The following MEPCE variants were observed in gnomAD, a reference collection of about 807,000 sequenced individuals.
MEPCE encodes the protein methylphosphate capping enzyme, also known as 7SK snRNA methylphosphate capping enzyme.
In MEPCE, 9 loss-of-function variants were observed where a neutral mutation model predicts 52.3. The observed-to-expected ratio is 0.17, with a 90% CI of 0.10 to 0.30. The LOEUF is 0.30. MEPCE is among the 10% of genes least tolerant of loss of function. The probability of loss-of-function intolerance (pLI) is 1.00; values close to 1 mark genes in which losing one functional copy is unlikely to be tolerated. For missense variants in MEPCE, 826 were observed against 933.0 expected (o/e 0.89, Z 1.49); for synonymous variants, 477 against 401.6 (o/e 1.19, Z -2.25).
Position 100,431,514 on chromosome 7 carries a change from C to G in MEPCE, c.1496C>G (p.Pro499Arg). Residue 499 changes from proline to arginine, a missense_variant, in exon 1 of 4, where the codon CCC (proline) becomes CGC (arginine). Pro to Arg is a moderately radical substitution (Grantham distance 103). Transcript: ENST00000310512. ...CTTTCCGAGGAGCTGCGTCTCCCAC[C>G]CCAGACTTTGGAAGGGGACCCGGGG... ...HYLSEELRLP[P>R]QTLEGDPGAE... The G allele has an allele frequency of 6.2e-7, 1 of 1,613,404 alleles. No individual in the cohort carries two copies. Among genetic ancestry groups the G allele is most frequent in the Non-Finnish European group, 8.5e-7 (1 of 1,180,026 alleles).
chr7:100,432,179 A>G (rs1798737725), intron 1 of MEPCE, among the ~76,000 whole-genome samples: 1 of 152,044 alleles, frequency 6.6e-6, no homozygotes, highest in Admixed American at 6.6e-5. Flanking sequence ...GTTTTCCTAG[A>G]CAGTTTGTTG....
At chr7:100,432,884 CCT>C in intron 1 of MEPCE, 33 bp from the exon 2 acceptor site, 2 of 1,597,520 alleles carry the variant, frequency 1.3e-6, no homozygotes. Flanking sequence ...TCTTTGATTC[CCT>C]CAGTTGACCT....
intron 1 of MEPCE, 53 bp from the exon 2 acceptor site, chr7:100,432,866 G>GC (rs1696023198): frequency 2.3e-5 from 35 of 1,547,740 alleles, no homozygotes; most frequent in Non-Finnish European, 2.9e-5. Context: ...TTGCCTGGGA[G>GC]CAGGGGTTCT....
rs1226194704 is a variant in MEPCE at position 100,430,274 on chromosome 7, C to G, written c.256C>G (p.Arg86Gly). ...CAGTGGTCCCCAGGCGCAGCAGCACCGAGGGGGCGGCCCCCAGGCGCAGTC... is the reference window on the plus strand; with the variant it reads ...CAGTGGTCCCCAGGCGCAGCAGCACGGAGGGGGCGGCCCCCAGGCGCAGTC... Reference protein sequence around the residue: ...SSSGPQAQQHRGGGPQAQSHG... With the variant: ...SSSGPQAQQHGGGGPQAQSHG... Residue 86 changes from arginine (R) to glycine (G), a missense_variant, in exon 1 of 4, where the codon CGA becomes GGA. Arg to Gly is a moderately radical substitution (Grantham distance 125). Transcript: ENST00000310512. 5.7e-6 allele frequency: 8 copies of G among 1,400,966 alleles called. No homozygotes were observed. In the South Asian group the frequency reaches 1.1e-4, roughly 20 times the overall value. 86.8% of individuals were successfully genotyped at this position (1,400,966 alleles called of 1,614,324 possible).
rs1217663839 is a variant in MEPCE at position 100,430,754 on chromosome 7, G to C, written c.736G>C (p.Asp246His). Residue 246 changes from aspartate (D) to histidine (H), a missense_variant, in exon 1 of 4, where the codon GAT (aspartate) becomes CAT (histidine). By Grantham distance (81) the Asp-to-His change is moderately conservative. Coordinates refer to ENST00000310512, the MANE Select transcript of MEPCE (RefSeq NM_019606.6). ...TDPLSLNTCT[D>H]EGHVVLASPL... ...CCCGCTCAGTCTCAATACTTGCACT[G>C]ATGAGGGCCATGTAGTTCTTGCTTC... 1 of 1,613,924 alleles carries C rather than the reference G, an allele frequency of 6.2e-7. No individual in the cohort carries two copies. The highest frequency in any genetic ancestry group is 1.1e-5 in the South Asian group (1 of 91,084).
chr7:100,431,965 C>T (rs895344101), intron 1 of MEPCE, among the ~76,000 whole-genome samples: 1 of 152,200 alleles, frequency 6.6e-6, no homozygotes, highest in African/African-American at 2.4e-5. Flanking sequence ...CTATAATCCA[C>T]ACTGGTCCAC....
rs1385616110 is a variant in MEPCE, at chr7:100,430,542, C to T, written c.524C>T (p.Ser175Leu). Residue 175 changes from serine to leucine, a missense_variant, in exon 1 of 4, where the codon TCG (serine) becomes TTG (leucine). This residue lies in a region of MEPCE where 314 missense variants were observed against 277.7 expected (regional missense o/e 1.13). Coordinates refer to ENST00000310512, the MANE Select transcript of MEPCE (RefSeq NM_019606.6). ...TTCAAGAGGCGCAGGCGGGTGAATT[C>T]GGACTGTGACTCTGTGTTACCCTCC... Reference protein sequence around the residue: ...PAFKRRRRVNSDCDSVLPSNF... With the variant: ...PAFKRRRRVNLDCDSVLPSNF... The T allele has an allele frequency of 1.3e-6, 2 of 1,585,954 alleles. No homozygotes were observed. The highest frequency in any genetic ancestry group is 2.7e-5 in the African/African-American group (2 of 74,714).
At position 100,433,713 on chromosome 7, in the gene MEPCE, T is replaced by G. The variant is rs928509737; in HGVS notation, c.*159T>G. 1 of 732,268 alleles carries G rather than the reference T, an allele frequency of 1.4e-6. No homozygotes were observed. The highest frequency in any genetic ancestry group is 1.8e-5 in the South Asian group (1 of 55,486). 45.4% of individuals were successfully genotyped at this position (732,268 alleles called of 1,614,324 possible). A position where few individuals can be genotyped will look rare whatever the true frequency, so the allele number is the denominator to read the frequency against. ...CTTTTCTTCCGTCGCTGCCTCAGCC[T>G]CCTCCCTATGCCTCTGGCACCTGCG... is the stretch of plus-strand genomic sequence containing the variant. On this transcript the variant is annotated 3_prime_UTR_variant, in exon 4 of 4. Transcript: ENST00000310512.
At chr7:100,432,518 T>G (rs990789017) in intron 1 of MEPCE, among the ~76,000 whole-genome samples, 2 of 152,210 alleles carry the variant, frequency 1.3e-5, no homozygotes, top group African/African-American at 2.4e-5. Context: ...CAGCCCCAAC[T>G]GCAGGGAAGG....
At chr7:100,429,446 CA>C (rs1325521989), upstream of MEPCE, 1 of 152,328 alleles carries the variant, frequency 6.6e-6, no homozygotes, top group Non-Finnish European at 1.5e-5. Context: ...CGCTGAGACT[CA>C]TTCCTCAGGA....
rs769681270 is a variant in MEPCE, at chr7:100,431,030, G to T, written c.1012G>T (p.Gly338Cys). 9 of 1,613,710 alleles carry T rather than the reference G, an allele frequency of 5.6e-6. No homozygotes were observed. The East Asian group carries it at 1.6e-4, about 28-fold the overall frequency. The change falls in exon 1 of 4, where the codon GGT becomes TGT. Residue 338 changes from glycine (G) to cysteine (C), a missense_variant. Around this residue, in one of 7 missense-constraint regions of MEPCE, gnomAD observed 307 missense variants for 292.1 expected, o/e 1.05. Transcript: ENST00000310512. ...VVSPLPSALQ[G>C]PSGSLSAPPA... ...GTCTCCCCTTCCATCTGCTCTGCAG[G>T]GTCCCTCAGGCTCCCTATCAGCCCC...
intron 1 of MEPCE, 101 bp downstream of exon 1, chr7:100,431,790 G>A: frequency 3.4e-6 from 4 of 1,178,612 alleles, no homozygotes; most frequent in Non-Finnish European, 4.6e-6. Flanking sequence ...TCAAAAGAGG[G>A]GTCTGGGTTG....
In MEPCE at chr7:100,431,254, G is replaced by A; in HGVS notation, c.1236G>A (p.Lys412=). ...PAAGFKKQQR[K]FQYGNYCKYY... is the part of the protein sequence containing the mutation. ...CAGGCTTCAAAAAGCAACAGCGCAA[G>A]TTCCAGTATGGGAATTATTGCAAAT... Residue 412 remains lysine (K), a synonymous_variant, in exon 1 of 4, where the codon AAG becomes AAA. Transcript: ENST00000310512. The A allele has an allele frequency of 1.9e-6, 3 of 1,614,110 alleles. No homozygotes were observed. Among genetic ancestry groups the A allele is most frequent in the Non-Finnish European group, 2.5e-6 (3 of 1,180,032 alleles).
Position 100,430,455 on chromosome 7 carries a change from G to T in MEPCE, c.437G>T (p.Gly146Val). The change falls in exon 1 of 4, where the codon GGG (glycine) becomes GTG (valine). Residue 146 changes from glycine to valine, a missense_variant. Around this residue, in one of 7 missense-constraint regions of MEPCE, gnomAD observed 314 missense variants for 277.7 expected, o/e 1.13. Transcript: ENST00000310512. ...CCCCACCGGCCACCTGGGGGGGGCG[G>T]GGGCAAGAGGAGAAATAGCTGTAAT... is the stretch of plus-strand genomic sequence containing the variant. ...YQPHRPPGGG[G>V]GKRRNSCNVG... 1 of 1,557,142 alleles carries T rather than the reference G, an allele frequency of 6.4e-7. No homozygotes were observed. The highest frequency in any genetic ancestry group is 8.7e-7 in the Non-Finnish European group (1 of 1,155,098).
rs184785892 is a variant in MEPCE at position 100,431,650 on chromosome 7, G to A, written c.1632G>A (p.Ala544=). The change falls in exon 1 of 4, where the codon GCG becomes GCA. Residue 544 remains alanine, a synonymous_variant. Transcript: ENST00000310512. ...IAAPQVPLDG[A]DTSVFPNNVV... ...CCCCCCAAGTGCCCTTGGATGGAGCGGACACATCAGTCTTCCCCAACAATG... is the reference window on the plus strand; with the variant it reads ...CCCCCCAAGTGCCCTTGGATGGAGCAGACACATCAGTCTTCCCCAACAATG... 39 of 1,602,982 alleles carry A rather than the reference G, an allele frequency of 2.4e-5. No homozygotes were observed. Among genetic ancestry groups the A allele is most frequent in the Middle Eastern group, 1.7e-4 (1 of 6,058 alleles).
chr7:100,433,194 G>A (rs933619220), intron 2 of MEPCE, 57 bp downstream of exon 2: 20 of 1,613,192 alleles, frequency 1.2e-5, no homozygotes, highest in African/African-American at 2.7e-5. Context: ...AAAAGGCCCC[G>A]AGGTGGGCAT....
chr7:100,431,214 A>C lies in MEPCE; in HGVS notation c.1196A>C (p.His399Pro), dbSNP rs200815895. ...GSWGGRHHHHHPLPAAGFKKQ... is the reference protein window; with the variant it reads ...GSWGGRHHHHPPLPAAGFKKQ... Reference sequence around the variant, plus strand: ...TGGGGAGGCCGCCACCACCACCACCACCCACTGCCTGCAGCAGGCTTCAAA... The same window carrying C: ...TGGGGAGGCCGCCACCACCACCACCCCCCACTGCCTGCAGCAGGCTTCAAA... The change falls in exon 1 of 4, where the codon CAC (histidine) becomes CCC (proline). Residue 399 changes from histidine (H) to proline (P), a missense_variant. Coordinates refer to ENST00000310512, the MANE Select transcript of MEPCE (RefSeq NM_019606.6). 6.2e-7 allele frequency: 1 copy of C among 1,613,844 alleles called. No individual in the cohort carries two copies. Among genetic ancestry groups the C allele is most frequent in the African/African-American group, 1.3e-5 (1 of 75,012 alleles).
chr7:100,430,843 A>C lies in MEPCE; in HGVS notation c.825A>C (p.Ala275=). ...GACAGCACCACCAGCAGCAGCAGGC[A>C]GCCGGAGGGAGTGAGAGTCACCCCG... ...HRGQHHQQQQ[A]AGGSESHPVP... The change falls in exon 1 of 4, where the codon GCA becomes GCC. Residue 275 remains alanine, a synonymous_variant. Coordinates refer to ENST00000310512, the MANE Select transcript of MEPCE (RefSeq NM_019606.6). 2 of 1,611,148 alleles carry C rather than the reference A, an allele frequency of 1.2e-6. No homozygotes were observed. Among genetic ancestry groups the C allele is most frequent in the Non-Finnish European group, 1.7e-6 (2 of 1,178,150 alleles).
In MEPCE at chr7:100,431,269, T is replaced by C. The variant is rs1193236279; in HGVS notation, c.1251T>C (p.Asn417=). The C allele has an allele frequency of 6.2e-7, 1 of 1,614,088 alleles. No individual in the cohort carries two copies. The highest frequency in any genetic ancestry group is 2.2e-5 in the East Asian group (1 of 44,888). ...KKQQRKFQYG[N]YCKYYGYRNP... is the part of the protein sequence containing the mutation. ...AACAGCGCAAGTTCCAGTATGGGAA[T>C]TATTGCAAATACTATGGGTACCGCA... The change falls in exon 1 of 4, where the codon AAT becomes AAC. Residue 417 remains asparagine, a synonymous_variant. Coordinates refer to ENST00000310512, the MANE Select transcript of MEPCE (RefSeq NM_019606.6).
Sources: gnomAD v4.1 joint callset for allele counts (sites outside exome capture counted in the v4.1 genomes callset) on GRCh38, gnomAD v4.1.1 for gene constraint, gnomAD v4.1.1 regional missense constraint, MANE v1.5 for transcripts, NCBI Gene and HGNC (gene_info 2026-07-23, HGNC 2026-07-21) for gene names.